The following TMEM87B variants were observed in gnomAD, a reference collection of about 807,000 sequenced individuals.
The protein encoded by TMEM87B is transmembrane protein 87B.
TMEM87B carries 83 observed loss-of-function variants against 80.3 expected under a neutral mutation model. The observed-to-expected ratio is 1.03, with a 90% confidence interval of 0.87 to 1.24. The LOEUF (loss-of-function observed/expected upper bound fraction) is 1.24, where lower values mean the gene tolerates loss of function less well. Ranked by LOEUF, TMEM87B falls within the 50% of genes most tolerant of loss-of-function variation. The probability of loss-of-function intolerance (pLI) is 0.00; values close to 1 mark genes in which losing one functional copy is unlikely to be tolerated. For synonymous variants in TMEM87B, 219 were observed against 230.5 expected (o/e 0.95, Z 0.45); for missense variants, 625 against 674.4 (o/e 0.93, Z 0.81).
intron 1 of TMEM87B, among the ~76,000 whole-genome samples, chr2:112,057,675 G>A (rs1678121244): frequency 6.6e-6 from 1 of 152,174 alleles, no homozygotes; most frequent in South Asian, 2.1e-4. Context: ...ATGAATTTTA[G>A]CCACAGCCCC....
chr2:112,086,508 A>G (rs1679149720), intron 9 of TMEM87B, among the ~76,000 whole-genome samples: 1 of 152,196 alleles, frequency 6.6e-6, no homozygotes, highest in African/African-American at 2.4e-5. Context: ...TCTGTCCCTC[A>G]AGGACTCTGC....
intron 3 of TMEM87B, among the ~76,000 whole-genome samples, chr2:112,065,157 A>G (rs1238575597): frequency 2.0e-5 from 3 of 152,084 alleles, no homozygotes; most frequent in Middle Eastern, 3.4e-3. Context: ...TATTAGTATT[A>G]TATTTCTATT....
At chr2:112,087,886 G>A (rs1412629386) in intron 9 of TMEM87B, among the ~76,000 whole-genome samples, 6 of 152,058 alleles carry the variant, frequency 3.9e-5, no homozygotes, top group Non-Finnish European at 5.9e-5. Flanking sequence ...CTCAGCCCTC[G>A]TCCAGTTGTC....
At chr2:112,094,983 C>G (rs1039318707) in intron 11 of TMEM87B, among the ~76,000 whole-genome samples, 1 of 151,430 alleles carries the variant, frequency 6.6e-6, no homozygotes, top group African/African-American at 2.4e-5. Flanking sequence ...GAAAATGACC[C>G]TGCTTCCTTT....
intron 4 of TMEM87B, among the ~76,000 whole-genome samples, chr2:112,071,354 T>A (rs1678629882): frequency 7.7e-6 from 1 of 129,522 alleles, no homozygotes; most frequent in Non-Finnish European, 1.6e-5. Context: ...CAGGCTGGAG[T>A]GCAATGGCGC....
intron 15 of TMEM87B, 92 bp from the exon 16 acceptor site, chr2:112,105,910 A>T (rs1030034457): frequency 2.9e-5 from 25 of 869,964 alleles, no homozygotes; most frequent in South Asian, 2.0e-4. Context: ...ATTTCTAAAA[A>T]GATATAGTAT....
intron 5 of TMEM87B, 119 bp downstream of exon 5, chr2:112,075,081 AG>A: frequency 7.2e-7 from 1 of 1,390,694 alleles, no homozygotes; most frequent in Non-Finnish European, 9.5e-7. Context: ...GAACTGTGGA[AG>A]GAAAAGGAAA....
chr2:112,067,311 ATAAG>A (rs1207396746), intron 4 of TMEM87B, among the ~76,000 whole-genome samples: 1 of 152,246 alleles, frequency 6.6e-6, no homozygotes, highest in Admixed American at 6.5e-5. Context: ...GTAGTACATA[ATAAG>A]TAAGATACGT....
chr2:112,081,095 G>A lies in TMEM87B; in HGVS notation c.631G>A (p.Ala211Thr). 6.2e-7 allele frequency: 1 copy of A among 1,612,764 alleles called. No individual in the cohort carries two copies. The highest frequency in any genetic ancestry group is 1.7e-5 in the Admixed American group (1 of 60,018). ...SMIGPHGYISASDWPLMIFYM... is the reference protein window; with the variant it reads ...SMIGPHGYISTSDWPLMIFYM... Reference sequence around the variant, plus strand: ...GATTGGGCCTCATGGATATATCTCTGCATCAGATTGGCCCCTAATGATTGT... The same window carrying A: ...GATTGGGCCTCATGGATATATCTCTACATCAGATTGGCCCCTAATGATTGT... Residue 211 changes from alanine (A) to threonine (T), a missense_variant, in exon 7 of 19, where the codon GCA becomes ACA. Ala to Thr is a moderately conservative substitution (Grantham distance 58). Transcript: ENST00000283206.
At chr2:112,110,524 CCTT>C (rs1200292143) in intron 17 of TMEM87B, among the ~76,000 whole-genome samples, 1 of 151,788 alleles carries the variant, frequency 6.6e-6, no homozygotes, top group Non-Finnish European at 1.5e-5. Context: ...TTTTCATTTT[CCTT>C]CTTTTTTCTT....
intron 8 of TMEM87B, among the ~76,000 whole-genome samples, chr2:112,083,280 C>G (rs1679054701): frequency 6.6e-6 from 1 of 152,146 alleles, no homozygotes; most frequent in South Asian, 2.1e-4. Context: ...ACAAGATGAG[C>G]TGAAAACTGG....
chr2:112,066,788 G>C lies in TMEM87B; in HGVS notation c.319-148G>C, dbSNP rs532086329. The stretch of plus-strand genomic sequence containing the variant: ...TTATATTAAAATTATATTCGAAACA[G>C]TTTTTATTTGGTATTTTATTCTATT... On this transcript the variant is annotated intron_variant, in intron 3 of 18. Coordinates refer to ENST00000283206, the MANE Select transcript of TMEM87B (RefSeq NM_032824.3). 37 of 718,324 alleles carry C rather than the reference G, an allele frequency of 5.2e-5. No individual in the cohort carries two copies. The South Asian group carries it at 8.0e-4, about 16-fold the overall frequency. The allele number at this position is 718,324 out of a possible 1,614,324, so 44.5% of individuals were successfully genotyped here.
intron 1 of TMEM87B, among the ~76,000 whole-genome samples, chr2:112,057,754 T>C (rs1347308519): frequency 6.6e-6 from 1 of 151,864 alleles, no homozygotes; most frequent in Non-Finnish European, 1.5e-5. Context: ...TACACTGTGA[T>C]ATACTTGGGA....
chr2:112,099,535 TATATATATATATATATATATAC>T (rs1679568520), intron 14 of TMEM87B, among the ~76,000 whole-genome samples: 1 of 101,244 alleles, frequency 9.9e-6, no homozygotes, highest in Non-Finnish European at 1.9e-5. Flanking sequence ...CATATATATA[TATATATATATATATATATATAC>T]ACACACACAC....
intron 5 of TMEM87B, 97 bp from the exon 6 acceptor site, chr2:112,077,095 C>T (rs553509931): frequency 4.6e-5 from 25 of 544,152 alleles, no homozygotes; most frequent in South Asian, 9.3e-5. Flanking sequence ...AAAAGTAACC[C>T]GATTCAATTA....
At chr2:112,087,076 G>T (rs1003655273) in intron 9 of TMEM87B, among the ~76,000 whole-genome samples, 1 of 152,000 alleles carries the variant, frequency 6.6e-6, no homozygotes, top group African/African-American at 2.4e-5. Context: ...GGCACCTTCC[G>T]TTGTCCCTCC....
chr2:112,106,436 C>T (rs1415480482), intron 16 of TMEM87B, among the ~76,000 whole-genome samples: 1 of 152,094 alleles, frequency 6.6e-6, no homozygotes. Context: ...GATGGGAAAG[C>T]TTTGTTCCAA....
rs1045279954 is a variant in TMEM87B, at chr2:112,097,136, G to A, written c.1197G>A (p.Leu399=). 5.6e-6 allele frequency: 9 copies of A among 1,607,136 alleles called. No homozygotes were observed. In the Admixed American group the frequency reaches 1.5e-4, roughly 27 times the overall value. ...TATATAGACATTTTAAAAATACTCT[G>A]ATCTTTGCTGTGCTGGGTAAGCTAT... is the stretch of plus-strand genomic sequence containing the variant. ...FSLYRHFKNT[L]IFAVLASIVF... The change falls in exon 12 of 19, where the codon CTG becomes CTA. Residue 399 remains leucine, a synonymous_variant. Transcript: ENST00000283206.
At chr2:112,063,823 A>T (rs2104456125) in intron 2 of TMEM87B, among the ~76,000 whole-genome samples, 1 of 152,338 alleles carries the variant, frequency 6.6e-6, no homozygotes, top group Non-Finnish European at 1.5e-5. Context: ...ACAGGATGGC[A>T]CACAGGATGG....
Sources: allele counts gnomAD v4.1 joint callset (sites outside exome capture counted in the v4.1 genomes callset), GRCh38; gene constraint gnomAD v4.1.1; transcripts MANE v1.5; gene names NCBI Gene and HGNC (gene_info 2026-07-23, HGNC 2026-07-21).